TNNI3K: variants seen among roughly 807,000 people sequenced by gnomAD.
TNNI3K encodes TNNI3 interacting kinase.
A neutral mutation model predicts 114.5 loss-of-function variants in TNNI3K; 140 were observed. That is an observed-to-expected ratio of 1.22 (90% CI 1.07 to 1.41). The LOEUF is 1.41. Among genes scored for constraint, TNNI3K ranks in the 40% most tolerant of loss-of-function variants. The probability of loss-of-function intolerance (pLI) is 0.00; values close to 1 mark genes in which losing one functional copy is unlikely to be tolerated. For synonymous variants in TNNI3K, 347 were observed against 347.5 expected, an observed-to-expected ratio of 1.00 and a Z score of 0.02; for missense variants, 1,125 against 1,007.6, an observed-to-expected ratio of 1.12 and a Z score of -1.58.
chr1:74,314,051 A>G (rs1246999980), intron 5 of TNNI3K, among the ~76,000 whole-genome samples: 1 of 39,318 alleles, frequency 2.5e-5, no homozygotes, highest in Admixed American at 2.4e-4. Context: ...TTCATTATAT[A>G]TATATATATA....
Position 74,459,378 on chromosome 1 carries a change from G to A in TNNI3K, c.2012-4063G>A, listed in dbSNP as rs149081913. ...AAAGAGGCAATTAAGTATAATACAT[G>A]TTATGATAGTACAGGTTGTTATGGA... On this transcript the variant is annotated intron_variant, in intron 20 of 24. Coordinates refer to ENST00000326637, the MANE Select transcript of TNNI3K (RefSeq NM_015978.3). 1.8e-3 allele frequency among the ~76,000 whole-genome samples: 274 copies of A among 152,258 alleles called. 1 individual carries two copies. The highest frequency in any genetic ancestry group is 6.3e-3 in the African/African-American group (262 of 41,542).
intron 17 of TNNI3K, among the ~76,000 whole-genome samples, chr1:74,431,719 C>T (rs1032234111): frequency 1.3e-5 from 2 of 152,080 alleles, no homozygotes; most frequent in Admixed American, 6.6e-5. Context: ...TATAAAGCAG[C>T]GTGATCAAAA....
rs115472823 is a variant in TNNI3K at position 74,363,719 on chromosome 1, A to G, written c.1178-3537A>G. Among the ~76,000 whole-genome samples, 679 of 151,988 alleles carry G rather than the reference A, an allele frequency of 4.5e-3. 5 individuals are homozygous for G. Among genetic ancestry groups the G allele is most frequent in the Non-Finnish European group, 7.7e-3 (524 of 67,932 alleles). ...GAATTAAGCTTTGTTGTGCTTGGGT[A>G]AATGTAGGGGTTTGGGTTGTTTTTA... On this transcript the variant is annotated intron_variant, in intron 11 of 24. Transcript: ENST00000326637.
intron 16 of TNNI3K, chr1:74,369,857 A>G (rs1662501372): frequency 5.8e-6 from 2 of 343,450 alleles, no homozygotes; most frequent in Non-Finnish European, 1.0e-5. Context: ...ATTAGGCTAA[A>G]TTTGAAATAC....
chr1:74,283,453 G>A (rs1024396850), intron 5 of TNNI3K, among the ~76,000 whole-genome samples: 1 of 152,122 alleles, frequency 6.6e-6, no homozygotes, highest in Admixed American at 6.6e-5. Flanking sequence ...ATTTCTTTTT[G>A]TCACTCAGGT....
At chr1:74,528,458 C>T (rs747903098) in intron 23 of TNNI3K, among the ~76,000 whole-genome samples, 8 of 151,954 alleles carry the variant, frequency 5.3e-5, no homozygotes, top group Non-Finnish European at 8.8e-5. Flanking sequence ...ATATTGGAGC[C>T]CCCGTGGGTA....
chr1:74,517,380 T>G (rs1357904381), intron 23 of TNNI3K, among the ~76,000 whole-genome samples: 2 of 152,210 alleles, frequency 1.3e-5, no homozygotes, highest in African/African-American at 4.8e-5. Flanking sequence ...AAAAATTTTC[T>G]GGCATTAGCT....
intron 21 of TNNI3K, chr1:74,483,422 C>G: frequency 1.4e-6 from 1 of 704,974 alleles, no homozygotes; most frequent in Non-Finnish European, 2.6e-6. Flanking sequence ...TTGGCATTCA[C>G]TGTCCATTAT....
intron 20 of TNNI3K, 82 bp downstream of exon 20, chr1:74,439,704 A>G: frequency 6.3e-7 from 1 of 1,574,986 alleles, no homozygotes; most frequent in Admixed American, 1.8e-5. Context: ...TTTTTTCACA[A>G]AATGATTAGT....
intron 4 of TNNI3K, among the ~76,000 whole-genome samples, chr1:74,261,591 G>A (rs1313969605): frequency 6.6e-6 from 1 of 151,884 alleles, no homozygotes; most frequent in Non-Finnish European, 1.5e-5. Context: ...CAAGACTTTG[G>A]GGAAAAAATT....
At chr1:74,397,247 AAGAC>A (rs1423658622) in intron 17 of TNNI3K, among the ~76,000 whole-genome samples, 1 of 152,138 alleles carries the variant, frequency 6.6e-6, no homozygotes, top group African/African-American at 2.4e-5. Context: ...AAGACTGAAA[AAGAC>A]AGAAATTAAA....
At chr1:74,510,404 A>G (rs1375842414) in intron 23 of TNNI3K, among the ~76,000 whole-genome samples, 1 of 152,150 alleles carries the variant, frequency 6.6e-6, no homozygotes, top group Non-Finnish European at 1.5e-5. Context: ...GCTACTCAGG[A>G]GGCTGAGGCA....
intron 21 of TNNI3K, among the ~76,000 whole-genome samples, chr1:74,482,333 GA>G (rs1254836913): frequency 2.0e-5 from 3 of 152,290 alleles, no homozygotes; most frequent in Admixed American, 6.5e-5. Context: ...GGGGGATATA[GA>G]GATGCAACAA....
At chr1:74,501,814 T>C (rs981383101) in intron 23 of TNNI3K, among the ~76,000 whole-genome samples, 1 of 152,040 alleles carries the variant, frequency 6.6e-6, no homozygotes, top group Non-Finnish European at 1.5e-5. Flanking sequence ...AGAACACGTG[T>C]AGTAATAATT....
In TNNI3K at chr1:74,271,913, A is replaced by G. The variant is rs1412827; in HGVS notation, c.444+205A>G. Among the ~76,000 whole-genome samples, 90,556 of 151,794 alleles carry G rather than the reference A, an allele frequency of 0.6. 30,287 individuals carry two copies. Among genetic ancestry groups the G allele is most frequent in the East Asian group, 0.82 (4,229 of 5,156 alleles). ...TTTCTAACAGTGTATTTAATCATCA[A>G]TTAACATAAAGGTAGCTAGATATAC... On this transcript the variant is annotated intron_variant, in intron 5 of 24. Transcript: ENST00000326637.
At chr1:74,413,340 C>G (rs1367540714) in intron 17 of TNNI3K, among the ~76,000 whole-genome samples, 1 of 152,134 alleles carries the variant, frequency 6.6e-6, no homozygotes, top group Non-Finnish European at 1.5e-5. Flanking sequence ...CTAGCATCTT[C>G]TCAATACAGT....
At chr1:74,475,301 T>G (rs1668139750) in intron 21 of TNNI3K, 9 of 655,062 alleles carry the variant, frequency 1.4e-5, no homozygotes, top group Non-Finnish European at 2.5e-5. Context: ...TCACCTTCTG[T>G]TCTTATTATA....
At chr1:74,471,659 G>A (rs886261669) in intron 21 of TNNI3K, 1 of 400,696 alleles carries the variant, frequency 2.5e-6, no homozygotes, top group African/African-American at 2.0e-5. Context: ...GATATTTTGG[G>A]TGACATCATC....
chr1:74,434,755 C>T (rs948316222), intron 17 of TNNI3K, among the ~76,000 whole-genome samples: 2 of 151,802 alleles, frequency 1.3e-5, no homozygotes, highest in African/African-American at 4.8e-5. Context: ...TTCTACACTG[C>T]GCTACTGCAA....
Sources: gnomAD v4.1 joint callset for allele counts (sites outside exome capture counted in the v4.1 genomes callset) on GRCh38, gnomAD v4.1.1 for gene constraint, MANE v1.5 for transcripts, NCBI Gene and HGNC (gene_info 2026-07-23, HGNC 2026-07-21) for gene names.